ARHGEF10L: variants seen among roughly 807,000 people sequenced by gnomAD.
The protein encoded by ARHGEF10L is Rho guanine nucleotide exchange factor 10 like.
In ARHGEF10L, 69 loss-of-function variants were observed where a neutral mutation model predicts 141.2. That is an observed-to-expected ratio of 0.49 (90% CI 0.40 to 0.60). ARHGEF10L has a LOEUF of 0.60. Ranked by LOEUF, ARHGEF10L falls within the 20% of genes least tolerant of loss-of-function variation. The pLI, the probability that ARHGEF10L is intolerant of heterozygous loss-of-function variation, is 0.00. For missense variants in ARHGEF10L, 1,482 were observed against 1,734.3 expected, an observed-to-expected ratio of 0.85 and a Z score of 2.58; for synonymous variants, 711 against 718.5, an observed-to-expected ratio of 0.99 and a Z score of 0.17.
At position 17,658,635 on chromosome 1, in the gene ARHGEF10L, G is replaced by A. The variant is rs1201231502; in HGVS notation, c.2860+1927G>A. 3.9e-5 allele frequency among the ~76,000 whole-genome samples: 6 copies of A among 152,158 alleles called. 1 individual carries two copies. Among genetic ancestry groups the A allele is most frequent in the Non-Finnish European group, 8.8e-5 (6 of 68,030 alleles). ...TGTGTACCAAACGCTTACTGAGCAC[G>A]TACTATATGCCATGGACACAGTGGT... On this transcript the variant is annotated intron_variant, in intron 25 of 28. Coordinates refer to ENST00000361221, the MANE Select transcript of ARHGEF10L (RefSeq NM_018125.4).
At chr1:17,650,211 A>G (rs890444776) in intron 22 of ARHGEF10L, among the ~76,000 whole-genome samples, 2 of 151,106 alleles carry the variant, frequency 1.3e-5, no homozygotes, top group Non-Finnish European at 3.0e-5. Flanking sequence ...GGAGTTCGAG[A>G]CCAGCCTGGG....
chr1:17,664,845 T>A (rs1289093618), intron 26 of ARHGEF10L, among the ~76,000 whole-genome samples: 2 of 152,204 alleles, frequency 1.3e-5, no homozygotes, highest in African/African-American at 4.8e-5. Flanking sequence ...GATCCTGAGT[T>A]GTGTCGGTTG....
At chr1:17,593,503 A>G (rs1484938935) in intron 4 of ARHGEF10L, among the ~76,000 whole-genome samples, 3 of 152,144 alleles carry the variant, frequency 2.0e-5, no homozygotes, top group African/African-American at 7.2e-5. Flanking sequence ...GGGAGACAGG[A>G]GGGCCAGAGT....
At chr1:17,686,730 C>T (rs552806688) in intron 26 of ARHGEF10L, among the ~76,000 whole-genome samples, 13 of 152,170 alleles carry the variant, frequency 8.5e-5, no homozygotes, top group Admixed American at 2.0e-4. Flanking sequence ...ACTGGGGCCC[C>T]GAATGCTGAG....
chr1:17,618,360 C>A, intron 9 of ARHGEF10L: 1 of 1,530,424 alleles, frequency 6.5e-7, no homozygotes, highest in South Asian at 1.2e-5. Flanking sequence ...AAGAATGTTA[C>A]CCAGCAGCTC....
Position 17,618,574 on chromosome 1 carries a change from C to T in ARHGEF10L, c.836-765C>T, listed in dbSNP as rs576550710. 1.5e-5 allele frequency: 19 copies of T among 1,273,752 alleles called. No individual in the cohort carries two copies. The South Asian group carries it at 2.1e-4, about 14-fold the overall frequency. The allele number at this position is 1,273,752 out of a possible 1,614,324, so 78.9% of individuals were successfully genotyped here. A position where few individuals can be genotyped will look rare whatever the true frequency, so the allele number is the denominator to read the frequency against. On this transcript the variant is annotated intron_variant, in intron 9 of 28. Coordinates refer to ENST00000361221, the MANE Select transcript of ARHGEF10L (RefSeq NM_018125.4). ...CCCCTCCCACCCTTGGGGTTGCTGC[C>T]GCTTCTTCTTTCCTCCCCAGCTTCC...
chr1:17,524,168 G>C, the ARHGEF10L span, among the ~76,000 whole-genome samples: 1 of 152,060 alleles, frequency 6.6e-6, no homozygotes, highest in African/African-American at 2.4e-5. Context: ...AGCTACTCAA[G>C]AGGCTGAGGC....
intron 1 of ARHGEF10L, among the ~76,000 whole-genome samples, chr1:17,574,554 G>A (rs546222768): frequency 6.6e-6 from 1 of 152,324 alleles, no homozygotes; most frequent in South Asian, 2.1e-4. Flanking sequence ...CACAGGAGGC[G>A]CAGAGGGCTG....
intron 21 of ARHGEF10L, among the ~76,000 whole-genome samples, chr1:17,641,528 C>G (rs375888070): frequency 1.4e-3 from 211 of 152,062 alleles, no homozygotes; most frequent in African/African-American, 4.7e-3. Context: ...GAGGCCAAAG[C>G]AGGAGAATTG....
chr1:17,530,204 T>G, the ARHGEF10L span, among the ~76,000 whole-genome samples: 2 of 152,026 alleles, frequency 1.3e-5, no homozygotes, highest in Non-Finnish European at 2.9e-5. Flanking sequence ...ACCTGGGATG[T>G]TTGTTGAATG....
rs573544794 is a variant in ARHGEF10L at position 17,627,578 on chromosome 1, C to T, written c.1584+75C>T. ...TGCTCCTGCCCGTGCCCCTGCCCCA[C>T]GCCACCCACACTAGGTGGCAGTGTT... On this transcript the variant is annotated intron_variant, in intron 15 of 28. Transcript: ENST00000361221. This position sits in a 1 kb window ranked among gnomAD's most constrained non-coding sequence, Gnocchi z 4.0. 1.5e-4 allele frequency: 234 copies of T among 1,525,864 alleles called. 1 individual carries two copies. The highest frequency in any genetic ancestry group is 1.2e-3 in the Middle Eastern group (5 of 4,242). 94.5% of individuals were successfully genotyped at this position (1,525,864 alleles called of 1,614,324 possible).
intron 4 of ARHGEF10L, among the ~76,000 whole-genome samples, chr1:17,599,753 A>T (rs1324032061): frequency 1.3e-5 from 2 of 152,152 alleles, no homozygotes; most frequent in Admixed American, 6.5e-5. Context: ...CCCTGGGGTG[A>T]CACTGTTGAC....
chr1:17,586,052 G>T (rs918633874), intron 2 of ARHGEF10L, among the ~76,000 whole-genome samples: 2 of 152,144 alleles, frequency 1.3e-5, no homozygotes, highest in Non-Finnish European at 2.9e-5. Context: ...ACAGCTGGAG[G>T]GTCCCCTGGG....
chr1:17,547,449 C>T (rs994348604), intron 1 of ARHGEF10L, among the ~76,000 whole-genome samples: 3 of 152,210 alleles, frequency 2.0e-5, no homozygotes, highest in Non-Finnish European at 2.9e-5. Context: ...TGGTTCTAGT[C>T]GCTGGCTGAT....
intron 21 of ARHGEF10L, among the ~76,000 whole-genome samples, chr1:17,640,884 G>A (rs1048626969): frequency 5.9e-5 from 9 of 152,190 alleles, no homozygotes; most frequent in Non-Finnish European, 8.8e-5. Context: ...ATATTTACAT[G>A]CACTTTTCTG....
At position 17,627,705 on chromosome 1, in the gene ARHGEF10L, A is replaced by G. The variant is rs1490147576; in HGVS notation, c.1584+202A>G. Among the ~76,000 whole-genome samples, 2 of 152,224 alleles carry G rather than the reference A, an allele frequency of 1.3e-5. No individual in the cohort carries two copies. The highest frequency in any genetic ancestry group is 3.8e-4 in the East Asian group (2 of 5,200). The stretch of plus-strand genomic sequence containing the variant: ...ATTCCTGTTCATGTTATTTTAAGAT[A>G]AAAGTTCATTTTGTGCATCAGTGTG... On this transcript the variant is annotated intron_variant, in intron 15 of 28. Transcript: ENST00000361221. This position sits in a 1 kb window ranked among gnomAD's most constrained non-coding sequence, Gnocchi z 4.0.
chr1:17,618,104 A>G (rs952416913), intron 9 of ARHGEF10L, among the ~76,000 whole-genome samples: 1 of 152,166 alleles, frequency 6.6e-6, no homozygotes, highest in African/African-American at 2.4e-5. Context: ...TTTGGGGAGC[A>G]CTGACCCCCG....
intron 25 of ARHGEF10L, among the ~76,000 whole-genome samples, chr1:17,663,398 A>G (rs2062757713): frequency 6.6e-6 from 1 of 152,062 alleles, no homozygotes; most frequent in Admixed American, 6.6e-5. Context: ...CTAAAAATAC[A>G]AAAAATTAAC....
rs974428170 is a variant in ARHGEF10L at position 17,697,774 on chromosome 1, A to T, written c.*394A>T. 2.3e-6 allele frequency: 1 copy of T among 428,756 alleles called. No homozygotes were observed. Among genetic ancestry groups the T allele is most frequent in the Non-Finnish European group, 4.7e-6 (1 of 214,358 alleles). The allele number at this position is 428,756 out of a possible 1,614,324, so 26.6% of individuals were successfully genotyped here. ...GGCTGGTGTGTGAATATCTATAAAT[A>T]AGTATATATGGTGTATATTATATGT... On this transcript the variant is annotated 3_prime_UTR_variant, in exon 29 of 29. Coordinates refer to ENST00000361221, the MANE Select transcript of ARHGEF10L (RefSeq NM_018125.4). The surrounding 1 kb of genome is among the most constrained non-coding windows in gnomAD (Gnocchi z 4.8).
Sources: allele counts gnomAD v4.1 joint callset (sites outside exome capture counted in the v4.1 genomes callset), GRCh38; gene constraint gnomAD v4.1.1; non-coding constraint Gnocchi (gnomAD v3.1); transcripts MANE v1.5; gene names NCBI Gene and HGNC (gene_info 2026-07-23, HGNC 2026-07-21).